The following PGLYRP2 variants were observed in gnomAD, a reference collection of about 807,000 sequenced individuals.
PGLYRP2 encodes the protein N-acetylmuramoyl-L-alanine amidase.
Under a neutral mutation model 46.2 loss-of-function variants are expected in PGLYRP2, and 38 were observed. The ratio of observed to expected loss-of-function variants is 0.82; its 90% CI spans 0.64 to 1.08. The LOEUF is 1.08. Among genes scored for constraint, PGLYRP2 ranks in the 50% least tolerant of loss-of-function variants. The pLI is 0.00. For missense variants in PGLYRP2, 713 were observed against 755.9 expected, an observed-to-expected ratio of 0.94 and a Z score of 0.67; for synonymous variants, 289 against 329.4, an observed-to-expected ratio of 0.88 and a Z score of 1.33.
At chr19:15,473,949 A>G (rs1970773046) in intron 2 of PGLYRP2, among the ~76,000 whole-genome samples, 1 of 152,222 alleles carries the variant, frequency 6.6e-6, no homozygotes, top group African/African-American at 2.4e-5. Flanking sequence ...CCAATAGGCA[A>G]AGGAAAACAT....
Position 15,471,917 on chromosome 19 carries a change from G to C in PGLYRP2, c.1316C>G (p.Thr439Arg). Residue 439 changes from threonine (T) to arginine (R), a missense_variant, in exon 3 of 5, where the codon ACG becomes AGG. Physicochemically the swap from Thr to Arg is moderately conservative, Grantham distance 71. Coordinates refer to ENST00000340880, the MANE Select transcript of PGLYRP2 (RefSeq NM_052890.4). ...MRSMQRYHQD[T>R]QGWGDIGYSF... is the part of the protein sequence containing the mutation. ...GTAGCCGATGTCTCCCCAGCCTTGC[G>C]TGTCCTGGTGGTAGCGCTGCATGGA... is the stretch of plus-strand genomic sequence containing the variant. 6 of 1,614,044 alleles carry C rather than the reference G, an allele frequency of 3.7e-6. No homozygotes were observed. The highest frequency in any genetic ancestry group is 1.7e-5 in the Admixed American group (1 of 60,018).
Position 15,475,987 on chromosome 19 carries a change from C to A in PGLYRP2, c.683G>T (p.Gly228Val), listed in dbSNP as rs994730259. Residue 228 changes from glycine to valine, a missense_variant, in exon 2 of 5, where the codon GGC becomes GTC. Physicochemically the swap from Gly to Val is moderately radical, Grantham distance 109 (BLOSUM62 -3). Transcript: ENST00000340880. Reference protein sequence around the residue: ...LLAVTLAGNLGLTFLRGSQTQ... With the variant: ...LLAVTLAGNLVLTFLRGSQTQ... ...CTGGGAACCTCGGAGGAAGGTCAGG[C>A]CCAGGTTTCCAGCCAGGGTGACTGC... 1 of 1,614,038 alleles carries A rather than the reference C, an allele frequency of 6.2e-7. No homozygotes were observed. The highest frequency in any genetic ancestry group is 8.5e-7 in the Non-Finnish European group (1 of 1,180,038).
intron 1 of PGLYRP2, among the ~76,000 whole-genome samples, chr19:15,476,922 C>T (rs957817323): frequency 5.9e-5 from 9 of 151,848 alleles, no homozygotes; most frequent in Non-Finnish European, 1.3e-4. Context: ...TTTTGGGGTG[C>T]CAGGATAGAA....
chr19:15,473,332 T>C (rs546006187), intron 2 of PGLYRP2, among the ~76,000 whole-genome samples: 7 of 151,786 alleles, frequency 4.6e-5, no homozygotes, highest in Non-Finnish European at 7.4e-5. Flanking sequence ...TAGCCGGGCA[T>C]GGTGGTAGGT....
chr19:15,470,612 C>T (rs970735960), intron 3 of PGLYRP2, among the ~76,000 whole-genome samples: 1 of 150,018 alleles, frequency 6.7e-6, no homozygotes, highest in Non-Finnish European at 1.5e-5. Flanking sequence ...CAGCCTTCTC[C>T]CCTCCCCTCG....
rs1970793471 is a variant in PGLYRP2, at chr19:15,476,136, T to A, written c.534A>T (p.Pro178=). The A allele has an allele frequency of 1.2e-6, 2 of 1,614,060 alleles. No homozygotes were observed. The highest frequency in any genetic ancestry group is 3.3e-4 in the Middle Eastern group (2 of 6,084). Residue 178 remains proline (P), a synonymous_variant, in exon 2 of 5, where the codon CCA becomes CCT. Transcript: ENST00000340880. ...CTCCAATATCTGCAGTGGTGACATC[T>A]GGAGAGCCATCCCTGAGTCCTGGGG... The part of the protein sequence containing the change: ...TSSPGLRDGS[P]DVTTADIGAN...
intron 1 of PGLYRP2, among the ~76,000 whole-genome samples, chr19:15,478,636 T>G (rs1344462100): frequency 7.9e-5 from 12 of 151,074 alleles, no homozygotes; most frequent in African/African-American, 2.9e-4. Context: ...CTTTGTTTTT[T>G]TTTTTTTTTT....
At chr19:15,478,113 G>A (rs946373470) in intron 1 of PGLYRP2, among the ~76,000 whole-genome samples, 8 of 152,110 alleles carry the variant, frequency 5.3e-5, no homozygotes, top group Non-Finnish European at 1.0e-4. Flanking sequence ...TTGGGAGGCC[G>A]AGGCAGGCGG....
At position 15,476,118 on chromosome 19, in the gene PGLYRP2, A is replaced by G. The variant is rs750994516; in HGVS notation, c.552T>C (p.Asp184=). Residue 184 remains aspartate (D), a synonymous_variant, in exon 2 of 5, where the codon GAT becomes GAC. Coordinates refer to ENST00000340880, the MANE Select transcript of PGLYRP2 (RefSeq NM_052890.4). The stretch of plus-strand genomic sequence containing the variant: ...TAGCATCTGGAGTGTTGGCTCCAAT[A>G]TCTGCAGTGGTGACATCTGGAGAGC... The part of the protein sequence containing the change: ...RDGSPDVTTA[D]IGANTPDATK... The G allele has an allele frequency of 8.1e-6, 13 of 1,614,034 alleles. No individual in the cohort carries two copies. The highest frequency in any genetic ancestry group is 1.1e-5 in the Non-Finnish European group (13 of 1,180,028).
At chr19:15,470,241 T>TTTCCTTCCCTCCTTCCTTCC (rs1555722732) in intron 3 of PGLYRP2, among the ~76,000 whole-genome samples, 2 of 100,002 alleles carry the variant, frequency 2.0e-5, no homozygotes, top group African/African-American at 7.6e-5. Context: ...GTTTTTTTTC[T>TTTCCTTCCCTCCTTCCTTCC]TTCCTTCCTT....
At position 15,475,571 on chromosome 19, in the gene PGLYRP2, T is replaced by G. The variant is rs758375344; in HGVS notation, c.1099A>C (p.Asn367His). Residue 367 changes from asparagine to histidine, a missense_variant, in exon 2 of 5, where the codon AAT becomes CAT. Coordinates refer to ENST00000340880, the MANE Select transcript of PGLYRP2 (RefSeq NM_052890.4). ...SQEQLAQVAANATKEFTEAFL... is the reference protein window; with the variant it reads ...SQEQLAQVAAHATKEFTEAFL... ...GCCTCAGTGAATTCCTTGGTAGCAT[T>G]GGCAGCCACCTGGGCCAGCTGTTCT... The G allele has an allele frequency of 2.5e-6, 4 of 1,609,498 alleles. No individual in the cohort carries two copies. In the African/African-American group the frequency reaches 5.3e-5, roughly 22 times the overall value.
chr19:15,471,509 C>G (rs1346461073), intron 3 of PGLYRP2, among the ~76,000 whole-genome samples: 1 of 151,994 alleles, frequency 6.6e-6, no homozygotes, highest in Non-Finnish European at 1.5e-5. Context: ...TCCAGCGATC[C>G]TCTCTTCTCA....
chr19:15,479,223 T>C, intron 1 of PGLYRP2, 88 bp downstream of exon 1: 1 of 1,395,818 alleles, frequency 7.2e-7, no homozygotes, highest in Non-Finnish European at 1.0e-6. Context: ...CCAGCCTCAC[T>C]CCATGCAGGG....
Position 15,476,238 on chromosome 19 carries a change from G to A in PGLYRP2, c.432C>T (p.Ser144=). 4.3e-6 allele frequency: 7 copies of A among 1,614,208 alleles called. No homozygotes were observed. Among genetic ancestry groups the A allele is most frequent in the Non-Finnish European group, 5.9e-6 (7 of 1,180,034 alleles). Residue 144 remains serine (S), a synonymous_variant, in exon 2 of 5, where the codon AGC becomes AGT. Transcript: ENST00000340880. ...CTCCAGTCTCCCAAGGGGCAGCCATGCTGTCCAAGGGCAAATTTATGACCC... is the reference window on the plus strand; with the variant it reads ...CTCCAGTCTCCCAAGGGGCAGCCATACTGTCCAAGGGCAAATTTATGACCC... ...GRRVINLPLD[S]MAAPWETGDT...
intron 2 of PGLYRP2, among the ~76,000 whole-genome samples, chr19:15,473,345 C>T (rs944014511): frequency 6.6e-6 from 1 of 151,636 alleles, no homozygotes; most frequent in African/African-American, 2.4e-5. Context: ...TGGTAGGTAC[C>T]TGTAATCCCA....
rs576624534 is a variant in PGLYRP2, at chr19:15,473,326, C to T, written c.1133-1226G>A. Among the ~76,000 whole-genome samples, 12 of 151,580 alleles carry T rather than the reference C, an allele frequency of 7.9e-5. No homozygotes were observed. In the East Asian group the frequency reaches 1.7e-3, roughly 22 times the overall value. On this transcript the variant is annotated intron_variant, in intron 2 of 4. Transcript: ENST00000340880. ...CTCTACTAAAAATACAAAAATTAGC[C>T]GGGCATGGTGGTAGGTACCTGTAAT...
rs6512038 is a variant in PGLYRP2 at position 15,477,722 on chromosome 19, T to A, written c.62-1114A>T. Among the ~76,000 whole-genome samples, 276 of 141,568 alleles carry A rather than the reference T, an allele frequency of 1.9e-3. 5 individuals are homozygous for A. Among genetic ancestry groups the A allele is most frequent in the African/African-American group, 4.4e-3 (168 of 38,400 alleles). 92.9% of individuals were successfully genotyped at this position (141,568 alleles called of 152,430 possible). A position where few individuals can be genotyped will look rare whatever the true frequency, so the allele number is the denominator to read the frequency against. ...TAAAATAAAATAAATAAAATAAAAT[T>A]AAATTAAAATAAAATAAAATAAAAT... On this transcript the variant is annotated intron_variant, in intron 1 of 4. Coordinates refer to ENST00000340880, the MANE Select transcript of PGLYRP2 (RefSeq NM_052890.4).
chr19:15,476,311 G>A lies in PGLYRP2; in HGVS notation c.359C>T (p.Ala120Val), dbSNP rs1297686975. ...VVLAPDGSTV[A>V]VEPLLAGLEA... ...CAGCCCCGCCAGCAGAGGCTCCACA[G>A]CCACGGTCGAGCCATCAGGTGCCAG... The change falls in exon 2 of 5, where the codon GCT becomes GTT. Residue 120 changes from alanine to valine, a missense_variant. Ala to Val is a moderately conservative substitution (Grantham distance 64). Transcript: ENST00000340880. The A allele has an allele frequency of 6.2e-7, 1 of 1,614,042 alleles. No homozygotes were observed.
Position 15,476,319 on chromosome 19 carries a change from C to A in PGLYRP2, c.351G>T (p.Ser117=). 1.2e-6 allele frequency: 2 copies of A among 1,614,164 alleles called. No homozygotes were observed. Among genetic ancestry groups the A allele is most frequent in the Non-Finnish European group, 8.5e-7 (1 of 1,180,042 alleles). Reference sequence around the variant, plus strand: ...CCAGCAGAGGCTCCACAGCCACGGTCGAGCCATCAGGTGCCAGCACCACCC... The same window carrying A: ...CCAGCAGAGGCTCCACAGCCACGGTAGAGCCATCAGGTGCCAGCACCACCC... The part of the protein sequence containing the change: ...EYGVVLAPDG[S]TVAVEPLLAG... Residue 117 remains serine (S), a synonymous_variant, in exon 2 of 5, where the codon TCG becomes TCT. Coordinates refer to ENST00000340880, the MANE Select transcript of PGLYRP2 (RefSeq NM_052890.4).
Sources: gnomAD v4.1 joint callset for allele counts (sites outside exome capture counted in the v4.1 genomes callset) on GRCh38, gnomAD v4.1.1 for gene constraint, MANE v1.5 for transcripts, NCBI Gene and HGNC (gene_info 2026-07-23, HGNC 2026-07-21) for gene names.